MANBA: variants seen among roughly 807,000 people sequenced by gnomAD.
MANBA encodes mannosidase beta.
In MANBA, 83 loss-of-function variants were observed where a neutral mutation model predicts 111.1. The ratio of observed to expected loss-of-function variants is 0.75; its 90% CI spans 0.63 to 0.90. The LOEUF (loss-of-function observed/expected upper bound fraction) is 0.90, where lower values mean the gene tolerates loss of function less well. Among genes scored for constraint, MANBA ranks in the 40% least tolerant of loss-of-function variants. The pLI is 0.00. For synonymous variants in MANBA, 370 were observed against 378.7 expected (o/e 0.98, Z 0.27); for missense variants, 1,036 against 1,069.0 (o/e 0.97, Z 0.43).
At chr4:102,756,863 A>G (rs1277519299) in intron 1 of MANBA, among the ~76,000 whole-genome samples, 1 of 151,332 alleles carries the variant, frequency 6.6e-6, no homozygotes, top group Non-Finnish European at 1.5e-5. Context: ...GAAATTCCAC[A>G]GAAAAGCTGA....
intron 8 of MANBA, among the ~76,000 whole-genome samples, chr4:102,673,040 A>C (rs1252571093): frequency 2.0e-5 from 3 of 152,164 alleles, no homozygotes; most frequent in Non-Finnish European, 4.4e-5. Context: ...TTCCTAGTGC[A>C]CATCAGATCT....
chr4:102,758,549 T>C (rs1724110816), intron 1 of MANBA, among the ~76,000 whole-genome samples: 1 of 151,366 alleles, frequency 6.6e-6, no homozygotes, highest in African/African-American at 2.4e-5. Flanking sequence ...TTTACTTTTT[T>C]TCTTTTTTTT....
chr4:102,696,410 A>C (rs1419168404), intron 5 of MANBA, among the ~76,000 whole-genome samples: 1 of 152,222 alleles, frequency 6.6e-6, no homozygotes, highest in Non-Finnish European at 1.5e-5. Flanking sequence ...AATGAAATCT[A>C]TTTCTTGAAT....
chr4:102,651,239 CAT>C lies in MANBA; in HGVS notation c.1705-540_1705-539del, dbSNP rs1191155513. On this transcript the variant is annotated intron_variant, in intron 12 of 16. Coordinates refer to ENST00000647097, the MANE Select transcript of MANBA (RefSeq NM_005908.4). Reference sequence around the variant, plus strand: ...GTGATTACTAAATGAAACTGATATACATATGTTTAATTTTTATATAGTTGAAG... The same window carrying C: ...GTGATTACTAAATGAAACTGATATACATGTTTAATTTTTATATAGTTGAAG... Among the ~76,000 whole-genome samples, 5 of 152,014 alleles carry C rather than the reference CAT, an allele frequency of 3.3e-5. No homozygotes were observed. The South Asian group carries it at 6.2e-4, about 19-fold the overall frequency.
At chr4:102,687,010 T>G (rs190074571) in intron 7 of MANBA, among the ~76,000 whole-genome samples, 109 of 152,246 alleles carry the variant, frequency 7.2e-4, no homozygotes, top group African/African-American at 2.6e-3. Context: ...AAAACACATC[T>G]AACACTGAAA....
At chr4:102,716,200 T>C (rs1466492769) in intron 4 of MANBA, among the ~76,000 whole-genome samples, 1 of 147,832 alleles carries the variant, frequency 6.8e-6, no homozygotes, top group East Asian at 2.0e-4. Flanking sequence ...TCCCAGCTAC[T>C]CAAGAGGCTC....
chr4:102,684,121 A>C lies in MANBA; in HGVS notation c.960+5453T>G, dbSNP rs531190251. 1.7e-3 allele frequency among the ~76,000 whole-genome samples: 253 copies of C among 152,300 alleles called. 1 individual carries two copies. The highest frequency in any genetic ancestry group is 3.1e-3 in the Non-Finnish European group (213 of 68,028). On this transcript the variant is annotated intron_variant, in intron 7 of 16. Coordinates refer to ENST00000647097, the MANE Select transcript of MANBA (RefSeq NM_005908.4). ...GATATACTCAGTTAAAAAAAAAAAA[A>C]ATCCTAAACACGTTTCTAAGCTCAG...
At chr4:102,728,417 T>A (rs1722892674) in intron 1 of MANBA, 2 of 482,354 alleles carry the variant, frequency 4.1e-6, no homozygotes, top group Non-Finnish European at 8.0e-6. Flanking sequence ...AGTTTCTAAT[T>A]TCATGAGTTT....
intron 1 of MANBA, chr4:102,728,577 G>T: frequency 9.5e-6 from 4 of 419,134 alleles, no homozygotes; most frequent in Admixed American, 3.7e-5. Context: ...CAATTGAATT[G>T]TTTTGTAGCT....
chr4:102,715,478 C>G (rs189403637), intron 4 of MANBA, among the ~76,000 whole-genome samples: 5 of 152,190 alleles, frequency 3.3e-5, no homozygotes, highest in Non-Finnish European at 5.9e-5. Flanking sequence ...ATCAGAAAAC[C>G]TATAGTCCAC....
intron 5 of MANBA, among the ~76,000 whole-genome samples, chr4:102,712,186 T>A (rs934020086): frequency 6.6e-6 from 1 of 152,194 alleles, no homozygotes; most frequent in African/African-American, 2.4e-5. Flanking sequence ...CCCATAAATA[T>A]GTACAAATAT....
intron 9 of MANBA, 38 bp from the exon 10 acceptor site, chr4:102,669,087 A>G: frequency 7.0e-7 from 1 of 1,419,690 alleles, no homozygotes; most frequent in South Asian, 1.2e-5. Flanking sequence ...ACACTTCCAT[A>G]AGTTTTATTA....
intron 15 of MANBA, among the ~76,000 whole-genome samples, 200 bp from the exon 16 acceptor site, chr4:102,635,245 T>C (rs747994303): frequency 6.6e-6 from 1 of 152,156 alleles, no homozygotes; most frequent in Non-Finnish European, 1.5e-5. Context: ...ATATGTAGAA[T>C]GAAAATAACA....
intron 1 of MANBA, among the ~76,000 whole-genome samples, chr4:102,759,074 A>T (rs1213089511): frequency 6.6e-6 from 1 of 151,458 alleles, no homozygotes; most frequent in Non-Finnish European, 1.5e-5. Context: ...GCTCTGTAAT[A>T]TGGCACAATA....
intron 5 of MANBA, among the ~76,000 whole-genome samples, chr4:102,713,896 C>CAAAAA (rs987115592): frequency 4.7e-4 from 32 of 67,954 alleles, no homozygotes; most frequent in Admixed American, 7.0e-4. Context: ...AACTCCATCT[C>CAAAAA]AAAAAAAAAA....
intron 1 of MANBA, among the ~76,000 whole-genome samples, chr4:102,738,161 C>T (rs968994799): frequency 2.6e-5 from 4 of 152,200 alleles, no homozygotes; most frequent in Non-Finnish European, 5.9e-5. Context: ...GATAAAAGAA[C>T]AACCCTGCTC....
chr4:102,723,882 CT>C lies in MANBA; in HGVS notation c.357del (p.Asp120ThrfsTer18). On this transcript the variant is annotated frameshift_variant, in exon 3 of 17. Coordinates refer to ENST00000647097, the MANE Select transcript of MANBA (RefSeq NM_005908.4). LOFTEE classifies it high-confidence loss of function. ...CTTACATATCTATTGAACATATTGTCTGTTTCCCCAATAGTGACTTCATTGA... is the reference window on the plus strand; with the variant it reads ...CTTACATATCTATTGAACATATTGTCGTTTCCCCAATAGTGACTTCATTGA... ...ILFNEVTIGE[T>X]DNMFNRYSFD... 1 of 1,593,988 alleles carries C rather than the reference CT, an allele frequency of 6.3e-7. No individual in the cohort carries two copies. The highest frequency in any genetic ancestry group is 8.6e-7 in the Non-Finnish European group (1 of 1,162,316).
At chr4:102,658,785 A>T (rs1730705609) in intron 11 of MANBA, 1 of 152,272 alleles carries the variant, frequency 6.6e-6, no homozygotes, top group African/African-American at 2.4e-5. Context: ...AGGAGCTGCC[A>T]GCAGCCCTTT....
chr4:102,632,967 G>A (rs759820182), intron 16 of MANBA, among the ~76,000 whole-genome samples: 2 of 152,206 alleles, frequency 1.3e-5, no homozygotes, highest in African/African-American at 4.8e-5. Context: ...GTGTGAGCAC[G>A]GAGCTGAGTG....
Sources: gnomAD v4.1 joint callset for allele counts (sites outside exome capture counted in the v4.1 genomes callset) on GRCh38, gnomAD v4.1.1 for gene constraint, MANE v1.5 for transcripts, NCBI Gene and HGNC (gene_info 2026-07-23, HGNC 2026-07-21) for gene names.